SLC8A1: variants seen among roughly 807,000 people sequenced by gnomAD.
SLC8A1 encodes sodium/calcium exchanger 1.
In SLC8A1, 18 loss-of-function variants were observed where a neutral mutation model predicts 68.3. The ratio of observed to expected loss-of-function variants is 0.26; its 90% confidence interval spans 0.18 to 0.39. SLC8A1 has a LOEUF of 0.39. Ranked by LOEUF, SLC8A1 falls within the 10% of genes least tolerant of loss-of-function variation. The pLI is 1.00. For missense variants in SLC8A1, 985 were observed against 1,156.7 expected, an observed-to-expected ratio of 0.85 and a Z score of 2.15; for synonymous variants, 475 against 415.5, an observed-to-expected ratio of 1.14 and a Z score of -1.74.
intron 2 of SLC8A1, among the ~76,000 whole-genome samples, chr2:40,424,241 A>G (rs1696276918): frequency 6.6e-6 from 1 of 151,336 alleles, no homozygotes; most frequent in African/African-American, 2.4e-5. Flanking sequence ...ATCACTTCAA[A>G]TTTTCTTAAT....
rs2065883712 is a variant in SLC8A1 at position 40,270,432 on chromosome 2, C to T, written c.1809-92577G>A. 2.6e-5 allele frequency among the ~76,000 whole-genome samples: 4 copies of T among 152,242 alleles called. No individual in the cohort carries two copies. In the South Asian group the frequency reaches 8.3e-4, roughly 31 times the overall value. On this transcript the variant is annotated intron_variant, in intron 2 of 7. Transcript: ENST00000406785. The stretch of plus-strand genomic sequence containing the variant: ...TTGAGGTGCCAGCAGGGCTGTGTTC[C>T]TTTTCGGACAATCTAGAGGAGAATC...
intron 2 of SLC8A1, among the ~76,000 whole-genome samples, chr2:40,276,615 T>TG (rs2066731245): frequency 6.6e-6 from 1 of 152,206 alleles, no homozygotes. Context: ...GCAAAGTAGA[T>TG]GATAGAAATA....
chr2:40,404,456 C>A (rs1393380433), intron 2 of SLC8A1, among the ~76,000 whole-genome samples: 1 of 152,116 alleles, frequency 6.6e-6, no homozygotes, highest in Non-Finnish European at 1.5e-5. Context: ...TTGAAAAGAA[C>A]ACATTTAAAT....
At chr2:40,420,563 A>G (rs1695213110) in intron 2 of SLC8A1, among the ~76,000 whole-genome samples, 1 of 152,194 alleles carries the variant, frequency 6.6e-6, no homozygotes, top group African/African-American at 2.4e-5. Flanking sequence ...ACCAACAATA[A>G]CTAGGTAGGT....
chr2:40,180,460 T>G (rs1284018640), intron 2 of SLC8A1, among the ~76,000 whole-genome samples: 1 of 152,216 alleles, frequency 6.6e-6, no homozygotes, highest in East Asian at 1.9e-4. Context: ...ATTTTGGGTA[T>G]TAATTTCCAT....
At chr2:40,492,798 C>T (rs1396295043) in intron 1 of SLC8A1, among the ~76,000 whole-genome samples, 1 of 148,472 alleles carries the variant, frequency 6.7e-6, no homozygotes, top group Non-Finnish European at 1.5e-5. Context: ...CAATGAGATA[C>T]CATCTCACAC....
intron 2 of SLC8A1, among the ~76,000 whole-genome samples, chr2:40,334,262 T>C (rs1490275968): frequency 6.6e-6 from 1 of 152,140 alleles, no homozygotes; most frequent in Non-Finnish European, 1.5e-5. Flanking sequence ...ATGTTATCAA[T>C]GGAGGAAAGA....
chr2:40,313,483 C>T (rs1265259590), intron 2 of SLC8A1, among the ~76,000 whole-genome samples: 1 of 151,948 alleles, frequency 6.6e-6, no homozygotes, highest in African/African-American at 2.4e-5. Flanking sequence ...AAAAAACGGT[C>T]TCCTAAGGTA....
At chr2:40,452,589 ATCTT>A (rs1702694707), upstream of SLC8A1, among the ~76,000 whole-genome samples, 1 of 151,968 alleles carries the variant, frequency 6.6e-6, no homozygotes, top group Admixed American at 6.5e-5. Flanking sequence ...TAATCCAACT[ATCTT>A]TCTTCCCTCA....
intron 2 of SLC8A1, among the ~76,000 whole-genome samples, chr2:40,363,569 T>A (rs1262811279): frequency 6.6e-6 from 1 of 152,264 alleles, no homozygotes; most frequent in Middle Eastern, 3.4e-3. Context: ...CCTGAAGCAG[T>A]AACTCAAAAA....
intron 6 of SLC8A1, among the ~76,000 whole-genome samples, chr2:40,159,056 A>G (rs2045169998): frequency 6.6e-6 from 1 of 152,184 alleles, no homozygotes; most frequent in Admixed American, 6.6e-5. Context: ...TGAATGAACC[A>G]ACGTAAACCA....
At chr2:40,336,381 C>A (rs1051323503) in intron 2 of SLC8A1, among the ~76,000 whole-genome samples, 1 of 152,102 alleles carries the variant, frequency 6.6e-6, no homozygotes, top group Non-Finnish European at 1.5e-5. Flanking sequence ...CTTGCAGGGG[C>A]CTCTCTTGTC....
At chr2:40,102,560 A>G (rs2033959425) in exon 8 of SLC8A1, 1 of 152,136 alleles carries the variant, frequency 6.6e-6, no homozygotes, top group Non-Finnish European at 1.5e-5. Flanking sequence ...GGGTCAATCC[A>G]AGAGGCGGGA....
chr2:40,421,669 C>A (rs1002614751), intron 2 of SLC8A1, among the ~76,000 whole-genome samples: 6 of 152,042 alleles, frequency 3.9e-5, no homozygotes, highest in East Asian at 3.9e-4. Flanking sequence ...TCAACTGTCA[C>A]CAAAGAACAC....
intron 2 of SLC8A1, among the ~76,000 whole-genome samples, chr2:40,314,572 G>T (rs922463736): frequency 1.3e-5 from 2 of 151,638 alleles, no homozygotes; most frequent in African/African-American, 2.4e-5. Context: ...GAATTACATT[G>T]AATCTCTAGA....
chr2:40,151,601 A>G (rs886965980), intron 6 of SLC8A1, among the ~76,000 whole-genome samples: 1 of 152,172 alleles, frequency 6.6e-6, no homozygotes, highest in African/African-American at 2.4e-5. Context: ...AGGACAAAAA[A>G]TGTCTGAAGC....
chr2:40,333,610 T>C (rs2076665562), intron 2 of SLC8A1, among the ~76,000 whole-genome samples: 1 of 152,150 alleles, frequency 6.6e-6, no homozygotes, highest in Non-Finnish European at 1.5e-5. Context: ...GTAGAAAATA[T>C]ATATATTTTT....
At chr2:40,143,365 T>C (rs2041924318) in intron 6 of SLC8A1, among the ~76,000 whole-genome samples, 2 of 152,128 alleles carry the variant, frequency 1.3e-5, no homozygotes, top group Admixed American at 1.3e-4. Flanking sequence ...GTAGGATGCC[T>C]GTTCTGTGGT....
At chr2:40,458,703 T>C (rs1296540667) in intron 1 of SLC8A1, among the ~76,000 whole-genome samples, 1 of 152,146 alleles carries the variant, frequency 6.6e-6, no homozygotes, top group Non-Finnish European at 1.5e-5. Flanking sequence ...AGCCTCAGGC[T>C]TGAGTTTGTA....
Sources: gnomAD v4.1 joint callset for allele counts (sites outside exome capture counted in the v4.1 genomes callset) on GRCh38, gnomAD v4.1.1 for gene constraint, MANE v1.5 for transcripts, NCBI Gene and HGNC (gene_info 2026-07-23, HGNC 2026-07-21) for gene names.